Variants in C3orf18 observed in about 807,000 individuals in gnomAD.
The protein encoded by C3orf18 is uncharacterized protein C3orf18.
A neutral mutation model predicts 14.1 loss-of-function variants in C3orf18; 12 were observed. That is an observed-to-expected ratio of 0.85 (90% confidence interval 0.55 to 1.38). The LOEUF (loss-of-function observed/expected upper bound fraction) is 1.38, where lower values mean the gene tolerates loss of function less well. Among genes scored for constraint, C3orf18 ranks in the 40% most tolerant of loss-of-function variants. The probability of loss-of-function intolerance (pLI) is 0.00; values close to 1 mark genes in which losing one functional copy is unlikely to be tolerated. For synonymous variants in C3orf18, 82 were observed against 87.9 expected (o/e 0.93, Z 0.38); for missense variants, 196 against 213.9 (o/e 0.92, Z 0.52).
At position 50,559,039 on chromosome 3, in the gene C3orf18, AG is replaced by A; in HGVS notation, c.*617del. On this transcript the variant is annotated 3_prime_UTR_variant, in exon 6 of 6. Coordinates refer to ENST00000357203, the MANE Select transcript of C3orf18 (RefSeq NM_016210.5). The stretch of plus-strand genomic sequence containing the variant: ...TGGCCCCAGTAACATCTGGTTGCCA[AG>A]GATGGGTGGCTGGGAGACCTCCTGG... 7.8e-7 allele frequency: 1 copy of A among 1,289,784 alleles called. No individual in the cohort carries two copies. The highest frequency in any genetic ancestry group is 1.0e-6 in the Non-Finnish European group (1 of 988,852). The allele number at this position is 1,289,784 out of a possible 1,614,324, so 79.9% of individuals were successfully genotyped here.
Position 50,559,188 on chromosome 3 carries a change from T to G in C3orf18, c.*469A>C. 7.8e-7 allele frequency: 1 copy of G among 1,289,782 alleles called. No individual in the cohort carries two copies. Among genetic ancestry groups the G allele is most frequent in the Non-Finnish European group, 1.0e-6 (1 of 989,066 alleles). 79.9% of individuals were successfully genotyped at this position (1,289,782 alleles called of 1,614,324 possible). ...GCCCATAACAGATGCTGCCCTACCC[T>G]GTCCCTATAACTTGGGTGGTTTCCT... On this transcript the variant is annotated 3_prime_UTR_variant, in exon 6 of 6. Coordinates refer to ENST00000357203, the MANE Select transcript of C3orf18 (RefSeq NM_016210.5).
Position 50,561,061 on chromosome 3 carries a change from C to T in C3orf18, c.264G>A (p.Leu88=). Residue 88 remains leucine (L), a synonymous_variant, in exon 5 of 6, where the codon CTG becomes CTA. Coordinates refer to ENST00000357203, the MANE Select transcript of C3orf18 (RefSeq NM_016210.5). The part of the protein sequence containing the change: ...LVLYIRKKKR[L]EKLRHQLMPM... Reference sequence around the variant, plus strand: ...GCATGAGCTGGTGGCGTAGCTTCTCCAGCCTGGGGATGGGGGCAAAGGCTG... The same window carrying T: ...GCATGAGCTGGTGGCGTAGCTTCTCTAGCCTGGGGATGGGGGCAAAGGCTG... The T allele has an allele frequency of 1.2e-6, 2 of 1,613,820 alleles. No individual in the cohort carries two copies. Among genetic ancestry groups the T allele is most frequent in the Non-Finnish European group, 1.7e-6 (2 of 1,179,814 alleles).
chr3:50,572,752 C>T (rs1701149342), upstream of C3orf18, among the ~76,000 whole-genome samples: 1 of 152,240 alleles, frequency 6.6e-6, no homozygotes, highest in Non-Finnish European at 1.5e-5. Flanking sequence ...CCTGTGTTGT[C>T]CCTCAAATTA....
At chr3:50,571,904 AG>A, upstream of C3orf18, 1 of 1,177,394 alleles carries the variant, frequency 8.5e-7, no homozygotes, top group Non-Finnish European at 1.2e-6. Flanking sequence ...TCCAAGGACT[AG>A]GGAGGTGTTG....
In C3orf18 at chr3:50,565,445, C is replaced by T. The variant is rs747684112; in HGVS notation, c.234+21G>A. The T allele has an allele frequency of 2.2e-5, 35 of 1,561,270 alleles. No homozygotes were observed. Among genetic ancestry groups the T allele is most frequent in the Non-Finnish European group, 8.8e-7 (1 of 1,132,954 alleles). On this transcript the variant is annotated intron_variant, in intron 3 of 5. Transcript: ENST00000357203. This position sits in a 1 kb window ranked among gnomAD's most constrained non-coding sequence, Gnocchi z 4.4. ...AAATCTAAACACTGATTATCCTCCC[C>T]CAGCCTACCCCAGCTCTCACCAAGG... is the stretch of plus-strand genomic sequence containing the variant.
rs1699817201 is a variant in C3orf18 at position 50,559,077 on chromosome 3, T to C, written c.*580A>G. The C allele has an allele frequency of 1.6e-6, 2 of 1,289,720 alleles. No individual in the cohort carries two copies. The highest frequency in any genetic ancestry group is 3.0e-5 in the African/African-American group (2 of 65,846). 79.9% of individuals were successfully genotyped at this position (1,289,720 alleles called of 1,614,324 possible). On this transcript the variant is annotated 3_prime_UTR_variant, in exon 6 of 6. Coordinates refer to ENST00000357203, the MANE Select transcript of C3orf18 (RefSeq NM_016210.5). ...GGGAGACCTCCTGGACCCTCCGTAG[T>C]ATGGATGGACCCTGGGTGTGAATTG...
upstream of C3orf18, among the ~76,000 whole-genome samples, chr3:50,574,026 C>G (rs925813001): frequency 6.6e-6 from 1 of 152,178 alleles, no homozygotes; most frequent in Non-Finnish European, 1.5e-5. Context: ...GGATGCCATC[C>G]TAATAGAGGG....
intron 1 of C3orf18, among the ~76,000 whole-genome samples, chr3:50,566,967 T>C (rs146836727): frequency 1.1e-3 from 168 of 152,280 alleles, no homozygotes; most frequent in African/African-American, 3.9e-3. Context: ...TGCTGGTTCA[T>C]GGGCATTAGT....
upstream of C3orf18, chr3:50,571,199 A>T: frequency 6.2e-7 from 1 of 1,613,892 alleles, no homozygotes; most frequent in Non-Finnish European, 8.5e-7. Flanking sequence ...TGGCAACCCC[A>T]ACCACCTCTG....
At position 50,567,736 on chromosome 3, in the gene C3orf18, CGA is replaced by C. The variant is rs1700439434; in HGVS notation, c.-527_-526del. The C allele has an allele frequency of 6.6e-6, 1 of 152,308 alleles. No homozygotes were observed. Among genetic ancestry groups the C allele is most frequent in the Non-Finnish European group, 1.5e-5 (1 of 68,102 alleles). 9.4% of individuals were successfully genotyped at this position (152,308 alleles called of 1,614,324 possible). A position where few individuals can be genotyped will look rare whatever the true frequency, so the allele number is the denominator to read the frequency against. ...GGGCCGAGCAGCCTCGGGGGATCCC[CGA>C]AGCTACAGCGCCTTGCCTCCCTGCA... On this transcript the variant is annotated 5_prime_UTR_variant, in exon 1 of 6. Coordinates refer to ENST00000357203, the MANE Select transcript of C3orf18 (RefSeq NM_016210.5).
upstream of C3orf18, chr3:50,571,387 A>G (rs1467799121): frequency 5.9e-6 from 8 of 1,350,500 alleles, no homozygotes; most frequent in African/African-American, 1.5e-5. Flanking sequence ...GGACTTGGGG[A>G]AGGGATATCC....
intron 4 of C3orf18, among the ~76,000 whole-genome samples, chr3:50,561,507 C>T (rs560889479): frequency 1.3e-5 from 2 of 152,328 alleles, no homozygotes; most frequent in Admixed American, 6.5e-5. Context: ...ACCCAGTTAT[C>T]TAGAATCCTC....
chr3:50,572,114 GGATGCCGGT>G, upstream of C3orf18: 1 of 1,613,982 alleles, frequency 6.2e-7, no homozygotes. Context: ...CCCCTCTGCA[GGATGCCGGT>G]GCAGTACATC....
At chr3:50,560,828 T>C (rs1468547379) in intron 5 of C3orf18, 89 bp downstream of exon 5, 2 of 1,386,518 alleles carry the variant, frequency 1.4e-6, no homozygotes, top group African/African-American at 1.4e-5. Context: ...ACAAGGCAGG[T>C]GCTAGAAAGC....
upstream of C3orf18, chr3:50,570,305 G>A (rs1700794007): frequency 6.6e-6 from 1 of 152,234 alleles, no homozygotes; most frequent in Admixed American, 6.5e-5. Flanking sequence ...AGTTAAACTT[G>A]CTTGTGACCT....
In C3orf18 at chr3:50,566,674, C is replaced by T. The variant is rs148424242; in HGVS notation, c.-251-580G>A. Among the ~76,000 whole-genome samples the T allele has an allele frequency of 1.2e-3, 175 of 152,130 alleles. 2 individuals are homozygous for T. The Middle Eastern group carries it at 0.02, about 18-fold the overall frequency. On this transcript the variant is annotated intron_variant, in intron 1 of 5. Transcript: ENST00000357203. ...GGAGAGAGAGGCTCTGGTTCTCTGG[C>T]GGGGCTTCTCCGCAGGCTCTCGGGG...
At chr3:50,569,283 C>T (rs567106252), upstream of C3orf18, 61 of 152,522 alleles carry the variant, frequency 4.0e-4, no homozygotes, top group African/African-American at 1.4e-3. Flanking sequence ...GGTCCGGGCC[C>T]CCAAGGGTCA....
In C3orf18 at chr3:50,559,088, C is replaced by G. The variant is rs756925996; in HGVS notation, c.*569G>C. 7.0e-6 allele frequency: 9 copies of G among 1,289,792 alleles called. No homozygotes were observed. The South Asian group carries it at 9.9e-5, about 14-fold the overall frequency. 79.9% of individuals were successfully genotyped at this position (1,289,792 alleles called of 1,614,324 possible). A position where few individuals can be genotyped will look rare whatever the true frequency, so the allele number is the denominator to read the frequency against. On this transcript the variant is annotated 3_prime_UTR_variant, in exon 6 of 6. Transcript: ENST00000357203. ...TGGACCCTCCGTAGTATGGATGGAC[C>G]CTGGGTGTGAATTGCCCTTCTCCTG...
upstream of C3orf18, chr3:50,571,167 C>T (rs1553618597): frequency 1.2e-6 from 2 of 1,613,594 alleles, no homozygotes; most frequent in South Asian, 1.1e-5. Flanking sequence ...GGGGAAGTAC[C>T]CGGGGCTGGG....
Sources: allele counts gnomAD v4.1 joint callset (sites outside exome capture counted in the v4.1 genomes callset), GRCh38; gene constraint gnomAD v4.1.1; non-coding constraint Gnocchi (gnomAD v3.1); transcripts MANE v1.5; gene names NCBI Gene and HGNC (gene_info 2026-07-23, HGNC 2026-07-21).